The following CRTC3 variants were observed in gnomAD, a reference collection of about 807,000 sequenced individuals.
The protein encoded by CRTC3 is CREB-regulated transcription coactivator 3.
CRTC3 carries 26 observed loss-of-function variants against 74.5 expected under a neutral mutation model. The observed-to-expected ratio is 0.35, with a 90% CI of 0.26 to 0.48. CRTC3 has a LOEUF of 0.48. CRTC3 is among the 20% of genes least tolerant of loss of function. CRTC3 has a pLI of 0.99. For synonymous variants in CRTC3, 377 were observed against 325.8 expected (o/e 1.16, Z -1.69); for missense variants, 760 against 787.3 (o/e 0.97, Z 0.41).
intron 2 of CRTC3, among the ~76,000 whole-genome samples, chr15:90,569,393 C>G (rs569873414): frequency 1.4e-5 from 2 of 147,816 alleles, no homozygotes; most frequent in African/African-American, 5.0e-5. Context: ...GATCTTGACT[C>G]CCTGCAGCCT....
In CRTC3 at chr15:90,643,656, T is replaced by G. The variant is rs1969528143; in HGVS notation, c.*1516T>G. On this transcript the variant is annotated 3_prime_UTR_variant, in exon 15 of 15. Transcript: ENST00000268184. ...TTCTCATAAAATAGATGGGCCAGAT[T>G]TCCACCACCGCCTGCCTCCTCTAAC... 8.7e-6 allele frequency: 2 copies of G among 229,944 alleles called. No individual in the cohort carries two copies. Among genetic ancestry groups the G allele is most frequent in the Non-Finnish European group, 8.5e-6 (1 of 117,428 alleles). 14.2% of individuals were successfully genotyped at this position (229,944 alleles called of 1,614,324 possible).
chr15:90,616,331 C>T (rs73487653), intron 7 of CRTC3, among the ~76,000 whole-genome samples: 1,643 of 152,200 alleles, frequency 0.011, 26 homozygotes, highest in African/African-American at 0.032. Context: ...TAAGTTAGAC[C>T]GCTACCCATA....
At chr15:90,583,900 T>C (rs1036076048) in intron 2 of CRTC3, among the ~76,000 whole-genome samples, 3 of 152,138 alleles carry the variant, frequency 2.0e-5, no homozygotes, top group Non-Finnish European at 4.4e-5. Flanking sequence ...TATGACATCC[T>C]TTTTTATTCC....
chr15:90,598,151 C>T (rs1190472398), intron 3 of CRTC3: 4 of 402,106 alleles, frequency 9.9e-6, no homozygotes, highest in African/African-American at 8.1e-5. Flanking sequence ...AGTTCCAGAG[C>T]AGGAGAGAAA....
At chr15:90,544,043 A>T (rs1381372836) in intron 2 of CRTC3, among the ~76,000 whole-genome samples, 1 of 152,176 alleles carries the variant, frequency 6.6e-6, no homozygotes, top group Non-Finnish European at 1.5e-5. Flanking sequence ...AAGTACCACA[A>T]ACTTAGTGCC....
intron 11 of CRTC3, among the ~76,000 whole-genome samples, chr15:90,632,816 G>T (rs1480713778): frequency 6.6e-6 from 1 of 152,188 alleles, no homozygotes; most frequent in Non-Finnish European, 1.5e-5. Flanking sequence ...TGTTAGCCAG[G>T]CTGGTTTCGA....
intron 2 of CRTC3, among the ~76,000 whole-genome samples, chr15:90,587,640 T>C (rs7497652): frequency 6.6e-6 from 1 of 152,074 alleles, no homozygotes; most frequent in African/African-American, 2.4e-5. Flanking sequence ...AGAGACAAGG[T>C]CTCCCCTCTG....
At chr15:90,630,599 T>A (rs1969000975) in intron 11 of CRTC3, among the ~76,000 whole-genome samples, 2 of 152,054 alleles carry the variant, frequency 1.3e-5, no homozygotes, top group African/African-American at 4.8e-5. Context: ...GGCAACAGAG[T>A]GAGACCCTGT....
intron 10 of CRTC3, among the ~76,000 whole-genome samples, chr15:90,626,483 T>C (rs1277729086): frequency 6.6e-6 from 1 of 152,222 alleles, no homozygotes; most frequent in Non-Finnish European, 1.5e-5. Flanking sequence ...CAGTTCCAGT[T>C]AAAGATGTAG....
chr15:90,531,254 T>C (rs1430284693), intron 1 of CRTC3, among the ~76,000 whole-genome samples: 3 of 152,174 alleles, frequency 2.0e-5, no homozygotes, highest in Non-Finnish European at 2.9e-5. Context: ...ATTTATTTAT[T>C]ATTATTTATA....
chr15:90,575,545 A>G (rs1285655850), intron 2 of CRTC3, among the ~76,000 whole-genome samples: 1 of 152,140 alleles, frequency 6.6e-6, no homozygotes, highest in African/African-American at 2.4e-5. Flanking sequence ...TTTGCTAGCT[A>G]GTTGTCTCAA....
Position 90,625,872 on chromosome 15 carries a change from C to T in CRTC3, c.846C>T (p.Tyr282=). The change falls in exon 10 of 15, where the codon TAC becomes TAT. Residue 282 remains tyrosine, a synonymous_variant. Transcript: ENST00000268184. ...TGCCAGATCTAACCAACCTCCACTA[C>T]TCGACACCCCTGCCAGCCTCCCTGG... The part of the protein sequence containing the change: ...GSLPDLTNLH[Y]STPLPASLDT... 2 of 1,614,186 alleles carry T rather than the reference C, an allele frequency of 1.2e-6. No homozygotes were observed. The highest frequency in any genetic ancestry group is 8.5e-7 in the Non-Finnish European group (1 of 1,180,006).
intron 2 of CRTC3, among the ~76,000 whole-genome samples, chr15:90,565,868 C>T (rs1021524787): frequency 1.3e-5 from 2 of 152,132 alleles, no homozygotes; most frequent in Admixed American, 6.5e-5. Flanking sequence ...CCTCCCTCTT[C>T]CCTGAGATAA....
chr15:90,588,154 A>G (rs1460891881), intron 2 of CRTC3, among the ~76,000 whole-genome samples: 7 of 151,798 alleles, frequency 4.6e-5, no homozygotes, highest in South Asian at 2.1e-4. Flanking sequence ...TAGCTACTCA[A>G]GAGGCTGAGG....
chr15:90,547,889 CTTTTTTTTTTTT>C (rs34721161), intron 2 of CRTC3, among the ~76,000 whole-genome samples: 2 of 100,450 alleles, frequency 2.0e-5, no homozygotes, highest in African/African-American at 7.7e-5. Context: ...TTTTCGTATC[CTTTTTTTTTTTT>C]TTTTTTTTGT....
intron 1 of CRTC3, among the ~76,000 whole-genome samples, chr15:90,532,506 G>A (rs1966643425): frequency 6.6e-6 from 1 of 152,238 alleles, no homozygotes; most frequent in Admixed American, 6.5e-5. Flanking sequence ...CATGCTAATC[G>A]ATAGGGCAGA....
At position 90,579,634 on chromosome 15, in the gene CRTC3, C is replaced by CTTTTT. The variant is rs146273285; in HGVS notation, c.232-13981_232-13977dup. Among the ~76,000 whole-genome samples the CTTTTT allele has an allele frequency of 3.8e-3, 322 of 84,174 alleles. 35 individuals carry two copies. The highest frequency in any genetic ancestry group is 0.014 in the African/African-American group (302 of 21,154). The allele number at this position is 84,174 out of a possible 152,430, so 55.2% of individuals were successfully genotyped here. A position where few individuals can be genotyped will look rare whatever the true frequency, so the allele number is the denominator to read the frequency against. Reference sequence around the variant, plus strand: ...GATTACATGGAGTAAACGTATTTCACTTTTTTTTTTTTTTTTTTTTTTTTT... The same window carrying CTTTTT: ...GATTACATGGAGTAAACGTATTTCACTTTTTTTTTTTTTTTTTTTTTTTTTTTTTT... On this transcript the variant is annotated intron_variant, in intron 2 of 14. Transcript: ENST00000268184.
intron 2 of CRTC3, among the ~76,000 whole-genome samples, chr15:90,547,722 G>A (rs1966846765): frequency 6.6e-6 from 1 of 152,198 alleles, no homozygotes; most frequent in South Asian, 2.1e-4. Context: ...CTCTGAGAGC[G>A]AGGGCTAGGG....
At position 90,572,795 on chromosome 15, in the gene CRTC3, T is replaced by C. The variant is rs550015391; in HGVS notation, c.232-20841T>C. On this transcript the variant is annotated intron_variant, in intron 2 of 14. Coordinates refer to ENST00000268184, the MANE Select transcript of CRTC3 (RefSeq NM_022769.5). Reference sequence around the variant, plus strand: ...TTCACCATGTTGGCCAGGCTGGTCTTAAACTCCTGACCTCAGGTGATCTGC... The same window carrying C: ...TTCACCATGTTGGCCAGGCTGGTCTCAAACTCCTGACCTCAGGTGATCTGC... Among the ~76,000 whole-genome samples the C allele has an allele frequency of 8.5e-5, 13 of 152,186 alleles. No homozygotes were observed. The East Asian group carries it at 1.9e-3, about 23-fold the overall frequency.
Sources: gnomAD v4.1 joint callset for allele counts (sites outside exome capture counted in the v4.1 genomes callset) on GRCh38, gnomAD v4.1.1 for gene constraint, MANE v1.5 for transcripts, NCBI Gene and HGNC (gene_info 2026-07-23, HGNC 2026-07-21) for gene names.